The following MAST4 variants were observed in gnomAD, a reference collection of about 807,000 sequenced individuals.
MAST4 encodes the protein microtubule associated serine/threonine kinase family member 4.
A neutral mutation model predicts 162.7 loss-of-function variants in MAST4; 89 were observed. That is an observed-to-expected ratio of 0.55 (90% CI 0.46 to 0.65). The LOEUF (loss-of-function observed/expected upper bound fraction) is 0.65, where lower values mean the gene tolerates loss of function less well. Ranked by LOEUF, MAST4 falls within the 30% of genes least tolerant of loss-of-function variation. The pLI, the probability that MAST4 is intolerant of heterozygous loss-of-function variation, is 0.00. For missense variants in MAST4, 3,153 were observed against 3,374.0 expected, an observed-to-expected ratio of 0.93 and a Z score of 1.62; for synonymous variants, 1,479 against 1,361.1, an observed-to-expected ratio of 1.09 and a Z score of -1.91.
chr5:66,997,344 C>T (rs1426892281), intron 4 of MAST4, among the ~76,000 whole-genome samples: 1 of 151,832 alleles, frequency 6.6e-6, no homozygotes, highest in African/African-American at 2.4e-5. Flanking sequence ...TTCCCCATGT[C>T]CTTACCAACA....
Position 66,730,530 on chromosome 5 carries a change from T to A in MAST4, c.364-29179T>A, listed in dbSNP as rs1220626499. 1.2e-4 allele frequency among the ~76,000 whole-genome samples: 18 copies of A among 152,322 alleles called. No homozygotes were observed. In the East Asian group the frequency reaches 3.5e-3, roughly 29 times the overall value. On this transcript the variant is annotated intron_variant, in intron 1 of 28. Coordinates refer to ENST00000403625, the MANE Select transcript of MAST4 (RefSeq NM_001164664.2). ...TGTTTGAAAATGTGATAGCTCATTA[T>A]AAGGGCATTTGACATAAGCATATTT... is the stretch of plus-strand genomic sequence containing the variant.
At position 66,605,791 on chromosome 5, in the gene MAST4, G is replaced by C. The variant is rs564555084; in HGVS notation, c.363+8773G>C. ...CTTTTCAGAGGACAAGGGATTAAAG[G>C]GAAATTACAACTTGGAACTCTTGAT... On this transcript the variant is annotated intron_variant, in intron 1 of 28. Coordinates refer to ENST00000403625, the MANE Select transcript of MAST4 (RefSeq NM_001164664.2). Among the ~76,000 whole-genome samples the C allele has an allele frequency of 9.9e-5, 15 of 152,214 alleles. 1 individual carries two copies. The South Asian group carries it at 3.1e-3, about 32-fold the overall frequency.
intron 1 of MAST4, among the ~76,000 whole-genome samples, chr5:66,742,349 G>A (rs1752521990): frequency 6.6e-6 from 1 of 152,142 alleles, no homozygotes; most frequent in Non-Finnish European, 1.5e-5. Flanking sequence ...TTGTGTATTG[G>A]TGTGTTTTGT....
chr5:67,165,566 T>A lies in MAST4; in HGVS notation c.6387T>A (p.His2129Gln). The change falls in exon 29 of 29, where the codon CAT (histidine) becomes CAA (glutamine). Residue 2129 changes from histidine to glutamine, a missense_variant. By Grantham distance (24) the His-to-Gln change is conservative. Coordinates refer to ENST00000403625, the MANE Select transcript of MAST4 (RefSeq NM_001164664.2). ...GGAAGGAGCAGCCTCTACAAAGGCATCCCAGCAGCATCCCTCCGCCCCCTC... is the reference window on the plus strand; with the variant it reads ...GGAAGGAGCAGCCTCTACAAAGGCAACCCAGCAGCATCCCTCCGCCCCCTC... Reference protein sequence around the residue: ...PERKEQPLQRHPSSIPPPPLT... With the variant: ...PERKEQPLQRQPSSIPPPPLT... 1 of 1,613,922 alleles carries A rather than the reference T, an allele frequency of 6.2e-7. No individual in the cohort carries two copies. Among genetic ancestry groups the A allele is most frequent in the Non-Finnish European group, 8.5e-7 (1 of 1,179,858 alleles).
At chr5:66,982,292 C>A (rs372116856) in intron 4 of MAST4, among the ~76,000 whole-genome samples, 1 of 152,236 alleles carries the variant, frequency 6.6e-6, no homozygotes, top group East Asian at 1.9e-4. Flanking sequence ...TTAACTTCTC[C>A]ATTTTTCCTT....
intron 13 of MAST4, among the ~76,000 whole-genome samples, chr5:67,119,425 A>G (rs866579573): frequency 6.6e-5 from 10 of 152,102 alleles, no homozygotes; most frequent in Admixed American, 3.3e-4. Flanking sequence ...GCATCAGAGT[A>G]GGGGTTAGGA....
chr5:66,954,624 G>A (rs184126583), intron 4 of MAST4, among the ~76,000 whole-genome samples: 59 of 152,318 alleles, frequency 3.9e-4, no homozygotes, highest in Middle Eastern at 3.4e-3. Context: ...AGAAAGCCTG[G>A]GCGTGGTGTC....
intron 4 of MAST4, among the ~76,000 whole-genome samples, chr5:66,912,826 TAAAAC>T (rs1415239328): frequency 6.6e-6 from 1 of 152,168 alleles, no homozygotes; most frequent in Non-Finnish European, 1.5e-5. Context: ...AAAGGAGAAT[TAAAAC>T]AAAGAGACTT....
intron 2 of MAST4, among the ~76,000 whole-genome samples, chr5:66,785,580 C>T (rs1755075909): frequency 6.6e-6 from 1 of 152,100 alleles, no homozygotes; most frequent in Non-Finnish European, 1.5e-5. Context: ...TAGGATGTTG[C>T]AGTACCTGGT....
chr5:67,003,910 T>C (rs958005545), intron 4 of MAST4: 1 of 152,220 alleles, frequency 6.6e-6, no homozygotes, highest in African/African-American at 2.4e-5. Context: ...GGAACAGATG[T>C]AAACTCATAA....
rs370613309 is a variant in MAST4 at position 67,162,043 on chromosome 5, C to A, written c.3786-564C>A. Among the ~76,000 whole-genome samples, 119 of 152,286 alleles carry A rather than the reference C, an allele frequency of 7.8e-4. 4 individuals are homozygous for A. In the South Asian group the frequency reaches 0.023, roughly 29 times the overall value. The stretch of plus-strand genomic sequence containing the variant: ...TACAGTGTCTGCTGCCCTGCTGATA[C>A]GATACGCTTCAGCTTCACCTTTCTC... On this transcript the variant is annotated intron_variant, in intron 27 of 28. Coordinates refer to ENST00000403625, the MANE Select transcript of MAST4 (RefSeq NM_001164664.2).
chr5:67,165,046 C>G lies in MAST4; in HGVS notation c.5867C>G (p.Pro1956Arg). Reference sequence around the variant, plus strand: ...CCTGACCTGGCCAGGCCACGCTGCCCGCTCCCACCTGAAGCTTCCCCCTCA... The same window carrying G: ...CCTGACCTGGCCAGGCCACGCTGCCGGCTCCCACCTGAAGCTTCCCCCTCA... ...HSPDLARPRC[P>R]LPPEASPSRE... The change falls in exon 29 of 29, where the codon CCG becomes CGG. Residue 1956 changes from proline to arginine, a missense_variant. Pro to Arg is a moderately radical substitution (Grantham distance 103). Around this residue, in one of 7 missense-constraint regions of MAST4, gnomAD observed 1,644 missense variants for 1,495.0 expected, o/e 1.10. Transcript: ENST00000403625. 1 of 1,607,400 alleles carries G rather than the reference C, an allele frequency of 6.2e-7. No homozygotes were observed. Among genetic ancestry groups the G allele is most frequent in the Non-Finnish European group, 8.5e-7 (1 of 1,176,840 alleles).
At chr5:66,788,825 C>T (rs965802249) in intron 3 of MAST4, 31 bp downstream of exon 3, 1 of 1,521,142 alleles carries the variant, frequency 6.6e-7, no homozygotes, top group African/African-American at 1.4e-5. Context: ...GTGGAGGCTG[C>T]TCCAGCTCAC....
At chr5:67,049,618 C>G (rs1002658739) in intron 4 of MAST4, among the ~76,000 whole-genome samples, 5 of 152,104 alleles carry the variant, frequency 3.3e-5, no homozygotes, top group Non-Finnish European at 7.4e-5. Flanking sequence ...TGTAATAATT[C>G]TAGCTTTCCA....
intron 5 of MAST4, among the ~76,000 whole-genome samples, chr5:67,065,393 A>G (rs7727684): frequency 1.2e-4 from 19 of 152,222 alleles, no homozygotes; most frequent in Admixed American, 3.9e-4. Flanking sequence ...AATTTGAGTT[A>G]GAAATCCTCA....
At chr5:67,104,329 C>T (rs370886330) in intron 9 of MAST4, 37 bp from the exon 10 acceptor site, 12 of 1,464,758 alleles carry the variant, frequency 8.2e-6, no homozygotes, top group East Asian at 4.5e-5. Flanking sequence ...TGTGTTTCCT[C>T]GTATTACATC....
chr5:66,641,934 C>T (rs1745513846), intron 1 of MAST4, among the ~76,000 whole-genome samples: 1 of 152,024 alleles, frequency 6.6e-6, no homozygotes, highest in Non-Finnish European at 1.5e-5. Flanking sequence ...GGAATTGCAC[C>T]TCCGGATGAT....
Position 66,677,323 on chromosome 5 carries a change from A to G in MAST4, c.363+80305A>G, listed in dbSNP as rs191831394. Among the ~76,000 whole-genome samples, 359 of 152,140 alleles carry G rather than the reference A, an allele frequency of 2.4e-3. 1 individual carries two copies. The highest frequency in any genetic ancestry group is 3.6e-3 in the Non-Finnish European group (244 of 68,022). ...GGCAATCACCAGAAACTGCATTGTAAAAGTCTGTGCTGGTGCCTGGACTAA... is the reference window on the plus strand; with the variant it reads ...GGCAATCACCAGAAACTGCATTGTAGAAGTCTGTGCTGGTGCCTGGACTAA... On this transcript the variant is annotated intron_variant, in intron 1 of 28. Transcript: ENST00000403625.
intron 4 of MAST4, among the ~76,000 whole-genome samples, chr5:66,914,953 G>A (rs1291133107): frequency 6.6e-6 from 1 of 152,036 alleles, no homozygotes; most frequent in African/African-American, 2.4e-5. Context: ...CTCTGATCTA[G>A]AGATCGAGAA....
Sources: gnomAD v4.1 joint callset for allele counts (sites outside exome capture counted in the v4.1 genomes callset) on GRCh38, gnomAD v4.1.1 for gene constraint, gnomAD v4.1.1 regional missense constraint, MANE v1.5 for transcripts, NCBI Gene and HGNC (gene_info 2026-07-23, HGNC 2026-07-21) for gene names.